The following COP1 variants were observed in gnomAD, a reference collection of about 807,000 sequenced individuals.
COP1 encodes COP1 E3 ubiquitin ligase.
Under a neutral mutation model 101.3 loss-of-function variants are expected in COP1, and 24 were observed. The observed-to-expected ratio is 0.24, with a 90% CI of 0.17 to 0.33. The LOEUF (loss-of-function observed/expected upper bound fraction) is 0.33, where lower values mean the gene tolerates loss of function less well. Among genes scored for constraint, COP1 ranks in the 10% least tolerant of loss-of-function variants. COP1 has a pLI of 1.00. For synonymous variants in COP1, 347 were observed against 341.9 expected, an observed-to-expected ratio of 1.01 and a Z score of -0.17; for missense variants, 663 against 906.2, an observed-to-expected ratio of 0.73 and a Z score of 3.45.
chr1:176,167,288 T>A (rs1695286913), intron 3 of COP1, among the ~76,000 whole-genome samples: 1 of 152,220 alleles, frequency 6.6e-6, no homozygotes, highest in African/African-American at 2.4e-5. Flanking sequence ...AATGCTTACC[T>A]ATTAGCAGAA....
intron 11 of COP1, among the ~76,000 whole-genome samples, chr1:176,079,685 G>GT (rs141949225): frequency 0.07 from 10,559 of 151,780 alleles, 460 homozygotes; most frequent in Non-Finnish European, 0.087. Context: ...AATAAAAGTG[G>GT]TCAGGGAACA....
chr1:176,013,891 C>A (rs1665127315), intron 15 of COP1, among the ~76,000 whole-genome samples: 2 of 152,060 alleles, frequency 1.3e-5, no homozygotes, highest in African/African-American at 4.8e-5. Context: ...TAAGACACTG[C>A]CAAAAGTATG....
At chr1:176,162,706 A>C (rs1205203126) in intron 5 of COP1, among the ~76,000 whole-genome samples, 163 bp downstream of exon 5, 1 of 152,242 alleles carries the variant, frequency 6.6e-6, no homozygotes, top group Non-Finnish European at 1.5e-5. Context: ...TTTAAGTTAC[A>C]AAAAGGGGGA....
intron 15 of COP1, among the ~76,000 whole-genome samples, chr1:176,027,294 ATAAG>A (rs762444612): frequency 7.9e-5 from 12 of 152,228 alleles, no homozygotes; most frequent in Admixed American, 2.6e-4. Context: ...ATGTTTGTGA[ATAAG>A]TAATAAGCAT....
chr1:176,174,668 T>C (rs1170311168), intron 3 of COP1, among the ~76,000 whole-genome samples: 1 of 152,186 alleles, frequency 6.6e-6, no homozygotes, highest in African/African-American at 2.4e-5. Flanking sequence ...AAATTCATAA[T>C]TTATTTTAAA....
intron 11 of COP1, among the ~76,000 whole-genome samples, chr1:176,076,064 A>C (rs942935643): frequency 2.0e-5 from 3 of 151,726 alleles, no homozygotes. Context: ...CATTAGACAG[A>C]TCATGGAGGC....
intron 8 of COP1, among the ~76,000 whole-genome samples, chr1:176,119,593 G>C (rs1686771886): frequency 6.6e-6 from 1 of 151,612 alleles, no homozygotes; most frequent in African/African-American, 2.4e-5. Flanking sequence ...AGAAAAATTT[G>C]AATAATAAAA....
intron 2 of COP1, among the ~76,000 whole-genome samples, chr1:176,181,012 T>C (rs988103739): frequency 4.6e-5 from 7 of 152,196 alleles, no homozygotes; most frequent in African/African-American, 1.7e-4. Flanking sequence ...GGGCACAAGC[T>C]GGAGGCAGCA....
At chr1:176,084,838 T>C (rs1679834054) in intron 10 of COP1, among the ~76,000 whole-genome samples, 1 of 135,864 alleles carries the variant, frequency 7.4e-6, no homozygotes, top group Non-Finnish European at 1.6e-5. Flanking sequence ...TAACAACCAA[T>C]AAAATACCAG....
chr1:176,157,602 T>C (rs1693671222), intron 5 of COP1, among the ~76,000 whole-genome samples: 1 of 152,176 alleles, frequency 6.6e-6, no homozygotes, highest in South Asian at 2.1e-4. Flanking sequence ...AAAAAACTGC[T>C]CTGCTCCTCC....
intron 15 of COP1, among the ~76,000 whole-genome samples, chr1:176,027,075 T>C (rs1667791220): frequency 6.6e-6 from 1 of 152,130 alleles, no homozygotes; most frequent in Non-Finnish European, 1.5e-5. Flanking sequence ...GGTATGATAA[T>C]AATAGCAAAC....
chr1:176,020,375 G>A, intron 15 of COP1, among the ~76,000 whole-genome samples: 1 of 148,754 alleles, frequency 6.7e-6, no homozygotes, highest in East Asian at 2.0e-4. Flanking sequence ...TTTATACATA[G>A]ATATTAGTGG....
At chr1:175,980,592 T>C (rs2148677186) in intron 18 of COP1, among the ~76,000 whole-genome samples, 1 of 152,196 alleles carries the variant, frequency 6.6e-6, no homozygotes, top group African/African-American at 2.4e-5. Context: ...TCCTGATCCC[T>C]GCCTCCCCTA....
At chr1:175,958,821 TA>T (rs1650990621) in intron 18 of COP1, among the ~76,000 whole-genome samples, 2 of 152,016 alleles carry the variant, frequency 1.3e-5, no homozygotes, top group Admixed American at 1.3e-4. Context: ...ATTAAATTCA[TA>T]AATCGACAGT....
chr1:176,128,236 T>C (rs1688347897), intron 8 of COP1, among the ~76,000 whole-genome samples: 1 of 152,098 alleles, frequency 6.6e-6, no homozygotes, highest in African/African-American at 2.4e-5. Flanking sequence ...TGAAAATAAA[T>C]TCTTCAAATA....
At chr1:175,983,848 C>T (rs1293420624) in intron 18 of COP1, among the ~76,000 whole-genome samples, 1 of 152,138 alleles carries the variant, frequency 6.6e-6, no homozygotes, top group Non-Finnish European at 1.5e-5. Flanking sequence ...CGGCATTTTG[C>T]CCCTGCCCTA....
intron 8 of COP1, among the ~76,000 whole-genome samples, chr1:176,127,550 ATAG>A (rs1358974473): frequency 6.8e-6 from 1 of 146,410 alleles, no homozygotes; most frequent in East Asian, 2.0e-4. Flanking sequence ...TTAAGGTGGA[ATAG>A]TATTCTACTG....
At chr1:176,137,193 C>T (rs1419730154) in intron 6 of COP1, among the ~76,000 whole-genome samples, 2 of 152,134 alleles carry the variant, frequency 1.3e-5, no homozygotes, top group South Asian at 2.1e-4. Flanking sequence ...TATATCTCGC[C>T]TATTAAACCA....
At chr1:176,158,582 C>T (rs953437637) in intron 5 of COP1, among the ~76,000 whole-genome samples, 3 of 147,948 alleles carry the variant, frequency 2.0e-5, no homozygotes, top group Admixed American at 6.8e-5. Context: ...ACATAAAATA[C>T]TACAATGGCC....
Sources: gnomAD v4.1 joint callset for allele counts (sites outside exome capture counted in the v4.1 genomes callset) on GRCh38, gnomAD v4.1.1 for gene constraint, MANE v1.5 for transcripts, NCBI Gene and HGNC (gene_info 2026-07-23, HGNC 2026-07-21) for gene names.